Variants in FAM81B observed in about 807,000 individuals in gnomAD.
FAM81B encodes the protein protein FAM81B.
Under a neutral mutation model 58.7 loss-of-function variants are expected in FAM81B, and 60 were observed. The observed-to-expected ratio is 1.02, with a 90% CI of 0.83 to 1.27. The LOEUF (loss-of-function observed/expected upper bound fraction) is 1.27. FAM81B is among the 50% of genes most tolerant of loss of function. The pLI is 0.00. For missense variants in FAM81B, 491 were observed against 522.0 expected, an observed-to-expected ratio of 0.94 and a Z score of 0.58; for synonymous variants, 189 against 179.6, an observed-to-expected ratio of 1.05 and a Z score of -0.42.
chr5:95,426,094 G>GTGTATATATATA (rs1491455240), intron 5 of FAM81B, among the ~76,000 whole-genome samples: 73 of 120,172 alleles, frequency 6.1e-4, no homozygotes, highest in African/African-American at 2.1e-3. Context: ...ATCTCTGTGT[G>GTGTATATATATA]TATATATATA....
intron 8 of FAM81B, among the ~76,000 whole-genome samples, chr5:95,447,557 C>T (rs1033651592): frequency 6.6e-6 from 1 of 152,126 alleles, no homozygotes; most frequent in Admixed American, 6.5e-5. Context: ...ACTAGGTAAC[C>T]GTGGGGTCAT....
intron 7 of FAM81B, among the ~76,000 whole-genome samples, chr5:95,437,578 C>A (rs554328462): frequency 6.6e-6 from 1 of 152,092 alleles, no homozygotes; most frequent in Non-Finnish European, 1.5e-5. Context: ...CTCAGGTGAT[C>A]CGCCCGCCTC....
chr5:95,405,139 G>A (rs1278894722), intron 3 of FAM81B, among the ~76,000 whole-genome samples: 7 of 152,206 alleles, frequency 4.6e-5, no homozygotes, highest in Non-Finnish European at 5.9e-5. Flanking sequence ...TAAAATAACC[G>A]TGGGTTTGGA....
intron 7 of FAM81B, among the ~76,000 whole-genome samples, chr5:95,445,477 C>T (rs1010701285): frequency 1.4e-4 from 22 of 152,156 alleles, no homozygotes; most frequent in African/African-American, 5.1e-4. Flanking sequence ...TCCCCTCTCT[C>T]CTCAAACCCT....
intron 5 of FAM81B, among the ~76,000 whole-genome samples, chr5:95,421,570 G>C (rs998843964): frequency 6.6e-6 from 1 of 152,066 alleles, no homozygotes. Flanking sequence ...CTAAGGTAAA[G>C]AGTTCGAACT....
At chr5:95,415,603 G>A (rs1218078162) in intron 4 of FAM81B, among the ~76,000 whole-genome samples, 1 of 152,168 alleles carries the variant, frequency 6.6e-6, no homozygotes, top group Non-Finnish European at 1.5e-5. Flanking sequence ...TCATGAAAGT[G>A]ACAAGAGGCA....
chr5:95,393,527 T>C (rs1449531569), intron 2 of FAM81B, among the ~76,000 whole-genome samples: 1 of 152,220 alleles, frequency 6.6e-6, no homozygotes, highest in Non-Finnish European at 1.5e-5. Flanking sequence ...ACAAAGTTAT[T>C]GTGGGTTTGA....
At chr5:95,440,882 G>A (rs765069649) in intron 7 of FAM81B, among the ~76,000 whole-genome samples, 8 of 152,110 alleles carry the variant, frequency 5.3e-5, no homozygotes, top group Non-Finnish European at 1.0e-4. Context: ...TGCAGGCCAG[G>A]GCCACCTTCA....
Position 95,428,732 on chromosome 5 carries a change from G to A in FAM81B, c.786G>A (p.Lys262=), listed in dbSNP as rs1762918894. The A allele has an allele frequency of 1.2e-6, 2 of 1,613,612 alleles. No individual in the cohort carries two copies. Among genetic ancestry groups the A allele is most frequent in the African/African-American group, 1.3e-5 (1 of 74,920 alleles). ...CTCTTTCCAAGAACTTGGACATGAA[G>A]GTAATTGAAAATAGATGGGACTCAT... ...LETLSKNLDM[K]VMQLLGKIET... The change falls in exon 6 of 10, where the codon AAG becomes AAA. Residue 262 remains lysine (K), a splice_region_variant and synonymous_variant. Coordinates refer to ENST00000283357, the MANE Select transcript of FAM81B (RefSeq NM_152548.3).
At chr5:95,437,001 A>G in intron 7 of FAM81B, 95 bp downstream of exon 7, 1 of 904,562 alleles carries the variant, frequency 1.1e-6, no homozygotes, top group South Asian at 1.5e-5. Context: ...TATCCCAGGA[A>G]TTTGAACCTG....
Position 95,412,309 on chromosome 5 carries a change from G to A in FAM81B, c.294-1638G>A, listed in dbSNP as rs182707856. ...TGCATAATTTTTCTATGCTGTTTTC[G>A]GTACACAGAAATTCATTCCACATGC... On this transcript the variant is annotated intron_variant, in intron 3 of 9. Coordinates refer to ENST00000283357, the MANE Select transcript of FAM81B (RefSeq NM_152548.3). 4.3e-3 allele frequency among the ~76,000 whole-genome samples: 651 copies of A among 151,874 alleles called. 2 individuals are homozygous for A. Among genetic ancestry groups the A allele is most frequent in the African/African-American group, 0.015 (629 of 41,404 alleles).
Position 95,448,316 on chromosome 5 carries a change from C to T in FAM81B, c.1077C>T (p.Ser359=), listed in dbSNP as rs369592468. The change falls in exon 9 of 10, where the codon AGC becomes AGT. Residue 359 remains serine, a synonymous_variant. Coordinates refer to ENST00000283357, the MANE Select transcript of FAM81B (RefSeq NM_152548.3). ...AAGAAAAACTGCTGCAGCTTTCAAG[C>T]AAAGTAGAGAATTTCATTAACACAC... ...KMEEKLLQLS[S]KVENFINTQK... is the part of the protein sequence containing the mutation. 3.3e-4 allele frequency: 529 copies of T among 1,608,014 alleles called. 9 individuals carry two copies. The South Asian group carries it at 5.6e-3, about 17-fold the overall frequency.
chr5:95,426,938 A>G (rs13186762), intron 5 of FAM81B, among the ~76,000 whole-genome samples: 2 of 151,740 alleles, frequency 1.3e-5, no homozygotes, highest in East Asian at 3.9e-4. Context: ...AGTCCTAGCT[A>G]CTCGGGAGGG....
intron 5 of FAM81B, chr5:95,424,186 T>TG (rs1449448538): frequency 7.8e-7 from 1 of 1,289,842 alleles, no homozygotes; most frequent in Non-Finnish European, 1.0e-6. Flanking sequence ...ACTGATCCTC[T>TG]GCAGGTAGCA....
intron 4 of FAM81B, among the ~76,000 whole-genome samples, chr5:95,419,462 T>C (rs532752201): frequency 5.9e-5 from 9 of 152,320 alleles, no homozygotes; most frequent in Non-Finnish European, 1.3e-4. Context: ...TCACTCTACA[T>C]TGGAATTTAT....
chr5:95,431,959 A>G (rs1199281883), intron 6 of FAM81B, among the ~76,000 whole-genome samples: 1 of 151,954 alleles, frequency 6.6e-6, no homozygotes, highest in Non-Finnish European at 1.5e-5. Flanking sequence ...GCTTTGACTA[A>G]TAACCCCAAA....
At chr5:95,431,098 A>G (rs563590685) in intron 6 of FAM81B, among the ~76,000 whole-genome samples, 2 of 152,170 alleles carry the variant, frequency 1.3e-5, no homozygotes, top group East Asian at 3.9e-4. Flanking sequence ...TGTTTTCTCT[A>G]TGACACAAAT....
chr5:95,448,635 C>T (rs548431922), intron 9 of FAM81B, 171 bp downstream of exon 9: 4 of 667,620 alleles, frequency 6.0e-6, no homozygotes, highest in South Asian at 2.0e-5. Flanking sequence ...TACTGGAAGG[C>T]ATATAAATAA....
At chr5:95,398,112 C>T (rs1333607057) in intron 3 of FAM81B, among the ~76,000 whole-genome samples, 1 of 152,118 alleles carries the variant, frequency 6.6e-6, no homozygotes, top group Non-Finnish European at 1.5e-5. Flanking sequence ...AAATAAAGAA[C>T]AATGGTTTTT....
Sources: gnomAD v4.1 joint callset for allele counts (sites outside exome capture counted in the v4.1 genomes callset) on GRCh38, gnomAD v4.1.1 for gene constraint, MANE v1.5 for transcripts, NCBI Gene and HGNC (gene_info 2026-07-23, HGNC 2026-07-21) for gene names.